The following WDFY3 variants were observed in gnomAD, a reference collection of about 807,000 sequenced individuals.
The protein encoded by WDFY3 is WD repeat and FYVE domain containing 3.
In WDFY3, 66 loss-of-function variants were observed where a neutral mutation model predicts 409.6. The observed-to-expected ratio is 0.16, with a 90% CI of 0.13 to 0.20. The LOEUF (loss-of-function observed/expected upper bound fraction) is 0.20, where lower values mean the gene tolerates loss of function less well. Ranked by LOEUF, WDFY3 falls within the 10% of genes least tolerant of loss-of-function variation. The probability of loss-of-function intolerance (pLI) is 1.00; values close to 1 mark genes in which losing one functional copy is unlikely to be tolerated. For missense variants in WDFY3, 3,031 were observed against 4,298.1 expected (o/e 0.71, Z 8.24); for synonymous variants, 1,521 against 1,537.1 (o/e 0.99, Z 0.25).
chr4:84,683,759 A>C (rs1224435128), intron 63 of WDFY3, among the ~76,000 whole-genome samples, 184 bp downstream of exon 63: 2 of 152,224 alleles, frequency 1.3e-5, no homozygotes, highest in Non-Finnish European at 2.9e-5. Flanking sequence ...ATAGGAAGAA[A>C]AGAGGCCAAG....
Position 84,765,939 on chromosome 4 carries a change from C to T in WDFY3, c.5059G>A (p.Ala1687Thr). 6.2e-7 allele frequency: 1 copy of T among 1,613,996 alleles called. No homozygotes were observed. Among genetic ancestry groups the T allele is most frequent in the Non-Finnish European group, 8.5e-7 (1 of 1,179,948 alleles). ...AGTAGGACAACAAGAATCCTCATGG[C>T]TGCTGTAACTGTGGTGGAATGTAAG... is the stretch of plus-strand genomic sequence containing the variant. Reference protein sequence around the residue: ...EHLHSTTVTAAMRILVVLLSN... With the variant: ...EHLHSTTVTATMRILVVLLSN... The change falls in exon 32 of 68, where the codon GCC (alanine) becomes ACC (threonine). Residue 1687 changes from alanine to threonine, a missense_variant. Physicochemically the swap from Ala to Thr is moderately conservative, Grantham distance 58. Around this residue, in one of 16 missense-constraint regions of WDFY3, gnomAD observed 342 missense variants for 463.7 expected, o/e 0.74. Transcript: ENST00000295888.
At chr4:84,783,346 T>C (rs1265936039) in intron 24 of WDFY3, among the ~76,000 whole-genome samples, 1 of 152,050 alleles carries the variant, frequency 6.6e-6, no homozygotes, top group Non-Finnish European at 1.5e-5. Context: ...TGCAAAAAAT[T>C]AGCCAGGTCT....
At chr4:84,846,368 T>TA (rs201316480) in intron 5 of WDFY3, among the ~76,000 whole-genome samples, 1,806 of 151,740 alleles carry the variant, frequency 0.012, 13 homozygotes, top group Non-Finnish European at 0.017. Flanking sequence ...ACTTAAAAGT[T>TA]AAAAAAAATA....
chr4:84,904,914 G>T (rs556901657), intron 2 of WDFY3, among the ~76,000 whole-genome samples: 1 of 152,186 alleles, frequency 6.6e-6, no homozygotes, highest in African/African-American at 2.4e-5. Context: ...CAAGGCAGGC[G>T]GATCACTTGA....
intron 2 of WDFY3, among the ~76,000 whole-genome samples, chr4:84,924,701 T>C (rs1052014587): frequency 2.0e-5 from 3 of 152,162 alleles, no homozygotes; most frequent in African/African-American, 7.2e-5. Context: ...TGTTCCATCA[T>C]CATAAAGGAG....
At chr4:84,818,913 T>C (rs1165531959) in intron 12 of WDFY3, among the ~76,000 whole-genome samples, 2 of 152,142 alleles carry the variant, frequency 1.3e-5, no homozygotes, top group African/African-American at 4.8e-5. Context: ...GTGCAACTTC[T>C]AGGTCGTCTC....
chr4:84,702,070 C>T (rs1050375403), intron 56 of WDFY3, among the ~76,000 whole-genome samples: 1 of 152,188 alleles, frequency 6.6e-6, no homozygotes, highest in Non-Finnish European at 1.5e-5. Flanking sequence ...GTGCAGTTCA[C>T]GATCTCAGCT....
chr4:84,938,352 GATA>G (rs774661734), intron 1 of WDFY3, among the ~76,000 whole-genome samples: 132 of 152,204 alleles, frequency 8.7e-4, no homozygotes, highest in Non-Finnish European at 1.6e-3. Context: ...AAAGATAATT[GATA>G]ATGATGATAA....
intron 1 of WDFY3, among the ~76,000 whole-genome samples, chr4:84,943,727 A>T (rs1011975326): frequency 6.6e-6 from 1 of 152,190 alleles, no homozygotes; most frequent in Non-Finnish European, 1.5e-5. Context: ...AACAAAAAAA[A>T]CTGCTCTTTA....
Position 84,737,209 on chromosome 4 carries a change from G to A in WDFY3, c.6732C>T (p.Ala2244=), listed in dbSNP as rs748096814. 8.1e-6 allele frequency: 13 copies of A among 1,613,886 alleles called. No individual in the cohort carries two copies. Among genetic ancestry groups the A allele is most frequent in the Admixed American group, 1.7e-5 (1 of 59,992 alleles). Residue 2244 remains alanine, a synonymous_variant, in exon 41 of 68, where the codon GCC becomes GCT. Coordinates refer to ENST00000295888, the MANE Select transcript of WDFY3 (RefSeq NM_014991.6). ...ATARPLIEEA[A]LKCWQNHLAH... is the part of the protein sequence containing the mutation. ...CCAAATGATTCTGCCAGCACTTCAG[G>A]GCAGCTTCTTCAATGAGTGGCCTTG...
rs78361102 is a variant in WDFY3 at position 84,847,790 on chromosome 4, CA to C, written c.304+2111del. Reference sequence around the variant, plus strand: ...CTCCGTCCCAAAAAAAAAAAAAAACCAAAAAAAAAAACAAAAAAAAACAAAA... The same window carrying C: ...CTCCGTCCCAAAAAAAAAAAAAAACCAAAAAAAAAACAAAAAAAAACAAAA... On this transcript the variant is annotated intron_variant, in intron 5 of 67. Coordinates refer to ENST00000295888, the MANE Select transcript of WDFY3 (RefSeq NM_014991.6). Among the ~76,000 whole-genome samples, 10 of 82,862 alleles carry C rather than the reference CA, an allele frequency of 1.2e-4. No individual in the cohort carries two copies. The East Asian group carries it at 1.3e-3, about 11-fold the overall frequency. The allele number at this position is 82,862 out of a possible 152,430, so 54.4% of individuals were successfully genotyped here. A position where few individuals can be genotyped will look rare whatever the true frequency, so the allele number is the denominator to read the frequency against.
At chr4:84,841,442 T>C (rs1199230476) in intron 5 of WDFY3, among the ~76,000 whole-genome samples, 179 bp from the exon 6 acceptor site, 3 of 152,188 alleles carry the variant, frequency 2.0e-5, no homozygotes, top group African/African-American at 7.2e-5. Context: ...CTTTATATCA[T>C]TAATACAGAA....
chr4:84,912,569 CA>C (rs1767930695), intron 2 of WDFY3, among the ~76,000 whole-genome samples: 1 of 151,936 alleles, frequency 6.6e-6, no homozygotes, highest in Non-Finnish European at 1.5e-5. Context: ...TTAATGCCAG[CA>C]AAGGATGGCT....
intron 64 of WDFY3, among the ~76,000 whole-genome samples, chr4:84,681,039 C>T (rs556994091): frequency 2.0e-5 from 3 of 152,304 alleles, no homozygotes; most frequent in Non-Finnish European, 2.9e-5. Flanking sequence ...GGCTTATGAT[C>T]GTGAGCTCTG....
intron 13 of WDFY3, among the ~76,000 whole-genome samples, chr4:84,813,617 G>C (rs1752840045): frequency 6.6e-6 from 1 of 152,080 alleles, no homozygotes; most frequent in African/African-American, 2.4e-5. Flanking sequence ...AAAATATCAT[G>C]ACTCTCTCCT....
intron 2 of WDFY3, among the ~76,000 whole-genome samples, chr4:84,904,712 T>C (rs1487984359): frequency 6.6e-6 from 1 of 152,190 alleles, no homozygotes; most frequent in African/African-American, 2.4e-5. Flanking sequence ...CTAGGGCTGT[T>C]CTCTCCCTAA....
At chr4:84,781,525 C>G (rs979903030) in intron 25 of WDFY3, among the ~76,000 whole-genome samples, 6 of 151,562 alleles carry the variant, frequency 4.0e-5, no homozygotes, top group African/African-American at 1.5e-4. Flanking sequence ...GCTGGGATTA[C>G]ATGGTGTGAA....
intron 67 of WDFY3, among the ~76,000 whole-genome samples, chr4:84,676,666 G>A (rs1476673849): frequency 6.6e-6 from 1 of 151,312 alleles, no homozygotes; most frequent in Non-Finnish European, 1.5e-5. Context: ...TAAAATAACC[G>A]ACAGTAGTTA....
chr4:84,784,817 G>A (rs1312151335), intron 24 of WDFY3, among the ~76,000 whole-genome samples: 1 of 143,914 alleles, frequency 6.9e-6, no homozygotes, highest in African/African-American at 2.6e-5. Context: ...TAGCCTAGGC[G>A]ACAAGAGGCA....
Sources: gnomAD v4.1 joint callset for allele counts (sites outside exome capture counted in the v4.1 genomes callset) on GRCh38, gnomAD v4.1.1 for gene constraint, gnomAD v4.1.1 regional missense constraint, MANE v1.5 for transcripts, NCBI Gene and HGNC (gene_info 2026-07-23, HGNC 2026-07-21) for gene names.